Variants in UGT1A6 observed in about 807,000 individuals in gnomAD.
UGT1A6 encodes UDP-glucuronosyltransferase 1A6.
In UGT1A6, 32 loss-of-function variants were observed where a neutral mutation model predicts 44.4. The observed-to-expected ratio is 0.72, with a 90% CI of 0.54 to 0.97. The LOEUF is 0.97. Among genes scored for constraint, UGT1A6 ranks in the 50% least tolerant of loss-of-function variants. The pLI, the probability that UGT1A6 is intolerant of heterozygous loss-of-function variation, is 0.00. For synonymous variants in UGT1A6, 238 were observed against 248.5 expected (o/e 0.96, Z 0.40); for missense variants, 685 against 661.9 (o/e 1.03, Z -0.38).
At chr2:233,763,469 A>G (rs1698318094) in intron 1 of UGT1A6, among the ~76,000 whole-genome samples, 1 of 152,180 alleles carries the variant, frequency 6.6e-6, no homozygotes, top group South Asian at 2.1e-4. Flanking sequence ...CTAACAATTA[A>G]TAGATTTGAT....
chr2:233,720,342 T>A (rs2076852802), intron 1 of UGT1A6, among the ~76,000 whole-genome samples: 1 of 152,074 alleles, frequency 6.6e-6, no homozygotes, highest in African/African-American at 2.4e-5. Context: ...TTGGAAGGTA[T>A]GGTGATGGTT....
chr2:233,698,956 C>T (rs1307607547), intron 1 of UGT1A6, among the ~76,000 whole-genome samples: 1 of 152,204 alleles, frequency 6.6e-6, no homozygotes, highest in Non-Finnish European at 1.5e-5. Context: ...TCCAAGCTGG[C>T]CCTTGGGGAA....
At chr2:233,719,061 G>A (rs193183920) in intron 1 of UGT1A6, 1 of 1,614,280 alleles carries the variant, frequency 6.2e-7, no homozygotes, top group Admixed American at 1.7e-5. Flanking sequence ...GACAGCCTAT[G>A]CTGTTCCATG....
chr2:233,772,281 C>A lies in UGT1A6; in HGVS notation c.1321C>A (p.Arg441Ser). Residue 441 changes from arginine to serine, a missense_variant, in exon 5 of 5, where the codon CGC becomes AGC. By Grantham distance (110) the Arg-to-Ser change is moderately radical. Transcript: ENST00000305139. ...NDKSYKENIMRLSSLHKDRPV... is the reference protein window; with the variant it reads ...NDKSYKENIMSLSSLHKDRPV... ...GTTTAGTTACAAGGAGAACATCATGCGCCTCTCCAGCCTTCACAAGGACCG... is the reference window on the plus strand; with the variant it reads ...GTTTAGTTACAAGGAGAACATCATGAGCCTCTCCAGCCTTCACAAGGACCG... 6.2e-7 allele frequency: 1 copy of A among 1,614,202 alleles called. No individual in the cohort carries two copies. The highest frequency in any genetic ancestry group is 1.7e-5 in the Admixed American group (1 of 60,028).
intron 1 of UGT1A6, among the ~76,000 whole-genome samples, chr2:233,697,775 A>G (rs919949633): frequency 6.6e-6 from 1 of 151,896 alleles, no homozygotes; most frequent in African/African-American, 2.4e-5. Flanking sequence ...TTGTGTTTCC[A>G]TTTTCATTCG....
chr2:233,723,718 G>A (rs1250087108), intron 1 of UGT1A6, among the ~76,000 whole-genome samples: 1 of 83,498 alleles, frequency 1.2e-5, no homozygotes, highest in African/African-American at 6.1e-5. Context: ...TGAGATTAGG[G>A]ATTGGTGATG....
chr2:233,760,441 C>T (rs2125984132), intron 1 of UGT1A6: 2 of 1,614,208 alleles, frequency 1.2e-6, no homozygotes, highest in Non-Finnish European at 1.7e-6. Flanking sequence ...GCAGCTGCAG[C>T]AGAGGGGACA....
intron 1 of UGT1A6, among the ~76,000 whole-genome samples, chr2:233,742,284 C>A (rs1006206335): frequency 1.3e-5 from 2 of 151,974 alleles, no homozygotes; most frequent in Non-Finnish European, 2.9e-5. Context: ...AGCATCATTT[C>A]TATAGATTAT....
At chr2:233,765,135 A>G (rs1248346894) in intron 1 of UGT1A6, among the ~76,000 whole-genome samples, 1 of 152,126 alleles carries the variant, frequency 6.6e-6, no homozygotes, top group Non-Finnish European at 1.5e-5. Flanking sequence ...TTAGCACTGA[A>G]CATCACATGT....
chr2:233,694,567 T>C (rs1308269202), intron 1 of UGT1A6, among the ~76,000 whole-genome samples: 1 of 152,220 alleles, frequency 6.6e-6, no homozygotes, highest in Non-Finnish European at 1.5e-5. Context: ...GAGTTTTAAA[T>C]TTCAATGTAA....
intron 1 of UGT1A6, among the ~76,000 whole-genome samples, chr2:233,739,930 G>GGGGA (rs1270425861): frequency 6.6e-6 from 1 of 151,694 alleles, no homozygotes; most frequent in Non-Finnish European, 1.5e-5. Context: ...ATCCCCATGT[G>GGGGA]TTAAGGTTGG....
intron 1 of UGT1A6, among the ~76,000 whole-genome samples, chr2:233,765,111 G>C (rs1698754315): frequency 6.6e-6 from 1 of 152,118 alleles, no homozygotes; most frequent in Non-Finnish European, 1.5e-5. Context: ...GGCTTCCTCA[G>C]GACTGTTCAG....
Position 233,744,327 on chromosome 2 carries a change from G to GAC in UGT1A6, c.862-22707_862-22706insAC, listed in dbSNP as rs1692775821. Among the ~76,000 whole-genome samples, 2 of 151,850 alleles carry GAC rather than the reference G, an allele frequency of 1.3e-5. 1 individual carries two copies. The highest frequency in any genetic ancestry group is 4.9e-5 in the African/African-American group (2 of 41,110). ...GGAGGGAAGAGGGTGGTGGGAGTGA[G>GAC]TTTAGTCTGACTGGGGCTGAAGACA... On this transcript the variant is annotated intron_variant, in intron 1 of 4. Transcript: ENST00000305139.
chr2:233,760,305 G>C (rs745957787), intron 1 of UGT1A6: 19 of 1,613,584 alleles, frequency 1.2e-5, no homozygotes, highest in Non-Finnish European at 1.6e-5. Context: ...TGGAGTCCCA[G>C]GGCGGACGCC....
At chr2:233,720,947 G>A (rs2076910008) in intron 1 of UGT1A6, among the ~76,000 whole-genome samples, 1 of 147,996 alleles carries the variant, frequency 6.8e-6, no homozygotes, top group Non-Finnish European at 1.5e-5. Context: ...CTGACCTCAT[G>A]TGATCTGCCC....
At chr2:233,764,025 G>T (rs1387179659) in intron 1 of UGT1A6, among the ~76,000 whole-genome samples, 1 of 152,188 alleles carries the variant, frequency 6.6e-6, no homozygotes, top group Non-Finnish European at 1.5e-5. Flanking sequence ...TGGTGTCTAA[G>T]TGCTAAAGAA....
intron 1 of UGT1A6, among the ~76,000 whole-genome samples, chr2:233,757,545 T>C (rs9711502): frequency 0.043 from 2,722 of 63,592 alleles, 156 homozygotes; most frequent in African/African-American, 0.1. Flanking sequence ...AATATATATA[T>C]ATATATATAT....
intron 1 of UGT1A6, among the ~76,000 whole-genome samples, chr2:233,700,349 A>C (rs201786918): frequency 6.6e-6 from 1 of 152,196 alleles, no homozygotes; most frequent in East Asian, 1.9e-4. Flanking sequence ...CCCTGTGCTT[A>C]TCTTTATGGC....
At chr2:233,705,686 A>T (rs2075865672) in intron 1 of UGT1A6, among the ~76,000 whole-genome samples, 1 of 152,224 alleles carries the variant, frequency 6.6e-6, no homozygotes, top group Admixed American at 6.5e-5. Flanking sequence ...ATTCACAACG[A>T]CTGGTATAAA....
Sources: gnomAD v4.1 joint callset for allele counts (sites outside exome capture counted in the v4.1 genomes callset) on GRCh38, gnomAD v4.1.1 for gene constraint, MANE v1.5 for transcripts, NCBI Gene and HGNC (gene_info 2026-07-23, HGNC 2026-07-21) for gene names.